Variants in GPC6 observed in about 807,000 individuals in gnomAD.
The protein encoded by GPC6 is glypican-6.
Under a neutral mutation model 55.2 loss-of-function variants are expected in GPC6, and 14 were observed. That is an observed-to-expected ratio of 0.25 (90% CI 0.17 to 0.40). The LOEUF is 0.40. Among genes scored for constraint, GPC6 ranks in the 10% least tolerant of loss-of-function variants. GPC6 has a pLI of 1.00. For synonymous variants in GPC6, 278 were observed against 259.6 expected, an observed-to-expected ratio of 1.07 and a Z score of -0.68; for missense variants, 641 against 708.5, an observed-to-expected ratio of 0.90 and a Z score of 1.08.
intron 2 of GPC6, among the ~76,000 whole-genome samples, chr13:93,780,594 T>TACACACACACACAC (rs35134947): frequency 2.8e-5 from 4 of 143,842 alleles, no homozygotes; most frequent in South Asian, 2.2e-4. Flanking sequence ...ATCACAAAAA[T>TACACACACACACAC]ACACACACAC....
intron 7 of GPC6, among the ~76,000 whole-genome samples, chr13:94,385,654 G>T (rs955142169): frequency 2.0e-5 from 3 of 151,678 alleles, no homozygotes; most frequent in African/African-American, 2.4e-5. Flanking sequence ...TATTCCACTA[G>T]CAGGGAATCC....
intron 2 of GPC6, among the ~76,000 whole-genome samples, chr13:93,630,914 T>G (rs1378697380): frequency 6.6e-6 from 1 of 152,040 alleles, no homozygotes; most frequent in African/African-American, 2.4e-5. Context: ...GATAGGCCCT[T>G]TAAAGAAGTG....
In GPC6 at chr13:94,090,147, C is replaced by A. The variant is rs144888556; in HGVS notation, c.877+62253C>A. Among the ~76,000 whole-genome samples, 46 of 152,152 alleles carry A rather than the reference C, an allele frequency of 3.0e-4. 2 individuals carry two copies. In the East Asian group the frequency reaches 8.9e-3, roughly 29 times the overall value. Reference sequence around the variant, plus strand: ...AAGGCTTCATAATCATGGCAGAAGGCAAAGGAGGAGCAAAGGCATGTCTTA... The same window carrying A: ...AAGGCTTCATAATCATGGCAGAAGGAAAAGGAGGAGCAAAGGCATGTCTTA... On this transcript the variant is annotated intron_variant, in intron 4 of 8. Transcript: ENST00000377047.
intron 6 of GPC6, among the ~76,000 whole-genome samples, chr13:94,327,125 C>CT (rs1877162357): frequency 1.3e-5 from 2 of 152,128 alleles, no homozygotes; most frequent in Admixed American, 6.5e-5. Flanking sequence ...AATTTGTTAT[C>CT]TTTTTCTCCA....
At chr13:94,252,383 G>A (rs937720749) in intron 4 of GPC6, among the ~76,000 whole-genome samples, 4 of 152,100 alleles carry the variant, frequency 2.6e-5, no homozygotes, top group East Asian at 1.9e-4. Context: ...CTTGGCTCTG[G>A]TGATGTCTGT....
intron 4 of GPC6, among the ~76,000 whole-genome samples, chr13:94,047,785 G>A (rs1254697809): frequency 1.3e-5 from 2 of 152,032 alleles, no homozygotes; most frequent in South Asian, 2.1e-4. Flanking sequence ...TTTATATAAC[G>A]TTTTGTTTAG....
At chr13:93,830,879 GGAT>G (rs1887465164) in intron 3 of GPC6, 1 of 271,222 alleles carries the variant, frequency 3.7e-6, no homozygotes, top group African/African-American at 2.3e-5. Context: ...AGGGTTTTAA[GGAT>G]GATAAATACT....
In GPC6 at chr13:94,197,606, G is replaced by T. The variant is rs77183460; in HGVS notation, c.878-88743G>T. Reference sequence around the variant, plus strand: ...TATTGAATTAGGAACCCACCCTTATGATCTCATATAACTTTAATTGCCTCC... The same window carrying T: ...TATTGAATTAGGAACCCACCCTTATTATCTCATATAACTTTAATTGCCTCC... On this transcript the variant is annotated intron_variant, in intron 4 of 8. Coordinates refer to ENST00000377047, the MANE Select transcript of GPC6 (RefSeq NM_005708.5). Among the ~76,000 whole-genome samples, 256 of 152,206 alleles carry T rather than the reference G, an allele frequency of 1.7e-3. No individual in the cohort carries two copies. The East Asian group carries it at 0.032, about 19-fold the overall frequency.
intron 1 of GPC6, among the ~76,000 whole-genome samples, chr13:93,421,792 T>G (rs139883361): frequency 6.6e-6 from 1 of 152,278 alleles, no homozygotes; most frequent in Non-Finnish European, 1.5e-5. Context: ...GTGAAAATTA[T>G]TGAAAAGGAA....
At chr13:93,864,673 T>C (rs745488540) in intron 3 of GPC6, among the ~76,000 whole-genome samples, 27 of 151,764 alleles carry the variant, frequency 1.8e-4, no homozygotes, top group Non-Finnish European at 2.8e-4. Context: ...CCTTATAAGA[T>C]AGCTACTGTC....
chr13:94,031,036 G>GTGTGCGTT (rs533971893), intron 4 of GPC6, among the ~76,000 whole-genome samples: 9 of 152,056 alleles, frequency 5.9e-5, no homozygotes, highest in African/African-American at 2.2e-4. Flanking sequence ...ATGCATGCGT[G>GTGTGCGTT]TGTGCGTTTG....
intron 1 of GPC6, among the ~76,000 whole-genome samples, chr13:93,468,396 A>T (rs1878990482): frequency 6.6e-6 from 1 of 152,104 alleles, no homozygotes; most frequent in Admixed American, 6.5e-5. Flanking sequence ...TATAAAAAAG[A>T]GTTCCAAATT....
At chr13:93,474,111 T>C (rs1240231652) in intron 1 of GPC6, among the ~76,000 whole-genome samples, 2 of 152,176 alleles carry the variant, frequency 1.3e-5, no homozygotes, top group Non-Finnish European at 2.9e-5. Context: ...TGGAAACTGT[T>C]GATATTTATA....
At chr13:93,336,859 C>T (rs1235918917) in intron 1 of GPC6, among the ~76,000 whole-genome samples, 11 of 152,120 alleles carry the variant, frequency 7.2e-5, no homozygotes, top group Non-Finnish European at 1.2e-4. Flanking sequence ...ACAATTTCAG[C>T]ACCACCCTGA....
intron 4 of GPC6, among the ~76,000 whole-genome samples, chr13:94,120,606 A>G (rs1054278145): frequency 6.6e-6 from 1 of 152,062 alleles, no homozygotes; most frequent in Non-Finnish European, 1.5e-5. Flanking sequence ...AACTGAGAAA[A>G]CATTCTGTTT....
chr13:93,708,339 G>T (rs1375739634), intron 2 of GPC6, among the ~76,000 whole-genome samples: 1 of 151,550 alleles, frequency 6.6e-6, no homozygotes, highest in Non-Finnish European at 1.5e-5. Context: ...ATGTTTTAGG[G>T]CCTGTTTCTG....
chr13:93,752,385 C>T (rs1008760971), intron 2 of GPC6, among the ~76,000 whole-genome samples: 1 of 150,002 alleles, frequency 6.7e-6, no homozygotes, highest in African/African-American at 2.5e-5. Flanking sequence ...ATATGTCAGG[C>T]AAATGCTATG....
chr13:93,674,849 T>TTC (rs1881521572), intron 2 of GPC6, among the ~76,000 whole-genome samples: 1 of 151,414 alleles, frequency 6.6e-6, no homozygotes, highest in Non-Finnish European at 1.5e-5. Context: ...CTAAATGACT[T>TTC]GGCTGCTTCA....
chr13:93,912,941 G>A (rs1411827256), intron 3 of GPC6, among the ~76,000 whole-genome samples: 1 of 152,018 alleles, frequency 6.6e-6, no homozygotes, highest in Non-Finnish European at 1.5e-5. Context: ...AGTCCTCACA[G>A]AACCTTCTTT....
Sources: allele counts gnomAD v4.1 joint callset (sites outside exome capture counted in the v4.1 genomes callset), GRCh38; gene constraint gnomAD v4.1.1; transcripts MANE v1.5; gene names NCBI Gene and HGNC (gene_info 2026-07-23, HGNC 2026-07-21).